HMGCL: variants seen among roughly 807,000 people sequenced by gnomAD.
HMGCL encodes the protein 3-hydroxy-3-methylglutaryl-CoA lyase.
A neutral mutation model predicts 37.3 loss-of-function variants in HMGCL; 26 were observed. That is an observed-to-expected ratio of 0.70 (90% CI 0.51 to 0.97). HMGCL has a LOEUF of 0.97. HMGCL is among the 50% of genes least tolerant of loss of function. The pLI, the probability that HMGCL is intolerant of heterozygous loss-of-function variation, is 0.00. For missense variants in HMGCL, 379 were observed against 398.1 expected (o/e 0.95, Z 0.41); for synonymous variants, 151 against 148.0 (o/e 1.02, Z -0.15).
In HMGCL at chr1:23,808,263, C is replaced by G. The variant is rs769406434; in HGVS notation, c.622G>C (p.Val208Leu). ...TCTTTCATGATCCCTGGGGTGCCCA[C>G]ACCAATGGTGTCCCCCAGGGAGATC... ...YEISLGDTIGVGTPGIMKDML... is the reference protein window; with the variant it reads ...YEISLGDTIGLGTPGIMKDML... Residue 208 changes from valine to leucine, a missense_variant, in exon 7 of 9, where the codon GTG becomes CTG. Transcript: ENST00000374490. 1.2e-6 allele frequency: 2 copies of G among 1,614,044 alleles called. No individual in the cohort carries two copies. Among genetic ancestry groups the G allele is most frequent in the Non-Finnish European group, 1.7e-6 (2 of 1,179,950 alleles).
chr1:23,813,590 G>A (rs1638561824), intron 5 of HMGCL, among the ~76,000 whole-genome samples: 1 of 152,076 alleles, frequency 6.6e-6, no homozygotes, highest in Non-Finnish European at 1.5e-5. Context: ...TTGCACAGCA[G>A]TGTGACCTTA....
chr1:23,808,308 A>G lies in HMGCL; in HGVS notation c.577T>C (p.Tyr193His). 6.2e-7 allele frequency: 1 copy of G among 1,614,030 alleles called. No individual in the cohort carries two copies. Among genetic ancestry groups the G allele is most frequent in the African/African-American group, 1.3e-5 (1 of 75,032 alleles). The change falls in exon 7 of 9, where the codon TAC becomes CAC. Residue 193 changes from tyrosine (Y) to histidine (H), a missense_variant. Tyr to His is a moderately conservative substitution (Grantham distance 83). Transcript: ENST00000374490. ...GAGATCTCGTAGCAGCCCATTGAGT[A>G]GAACTTCTTGGTGACCTAAGGAAGC... Reference protein sequence around the residue: ...AKVAEVTKKFYSMGCYEISLG... With the variant: ...AKVAEVTKKFHSMGCYEISLG...
Position 23,811,693 on chromosome 1 carries a change from G to C in HMGCL, c.498-894C>G, listed in dbSNP as rs1029374246. 7.2e-5 allele frequency among the ~76,000 whole-genome samples: 11 copies of C among 152,166 alleles called. No homozygotes were observed. In the East Asian group the frequency reaches 2.1e-3, roughly 29 times the overall value. On this transcript the variant is annotated intron_variant, in intron 5 of 8. Coordinates refer to ENST00000374490, the MANE Select transcript of HMGCL (RefSeq NM_000191.3). The stretch of plus-strand genomic sequence containing the variant: ...ACAGCTGAGGCAGACAGAGCAAGGG[G>C]AAAGGAAGTATGAGATGAGGAGGTC...
rs762081037 is a variant in HMGCL at position 23,810,711 on chromosome 1, C to A, written c.561+25G>T. ...ACAAGGTGGCCAACCCTCACCAAAC[C>A]CCCCGCCCTGACACATGCACACACC... On this transcript the variant is annotated intron_variant, in intron 6 of 8. Coordinates refer to ENST00000374490, the MANE Select transcript of HMGCL (RefSeq NM_000191.3). 4 of 1,611,648 alleles carry A rather than the reference C, an allele frequency of 2.5e-6. No homozygotes were observed. In the African/African-American group the frequency reaches 4.0e-5, roughly 16 times the overall value.
At chr1:23,807,059 G>C (rs1236498044) in intron 7 of HMGCL, 2 of 518,920 alleles carry the variant, frequency 3.9e-6, no homozygotes, top group Non-Finnish European at 7.7e-6. Flanking sequence ...TTTTCAAAAA[G>C]GGGATTCTGA....
intron 7 of HMGCL, among the ~76,000 whole-genome samples, chr1:23,804,979 A>C (rs942138854): frequency 1.4e-5 from 2 of 146,182 alleles, no homozygotes; most frequent in African/African-American, 5.0e-5. Flanking sequence ...GTCACCTCCC[A>C]CTATCCCAAA....
intron 2 of HMGCL, 101 bp downstream of exon 2, chr1:23,820,409 A>AGAT (rs1638696031): frequency 1.2e-6 from 1 of 836,352 alleles, no homozygotes; most frequent in Non-Finnish European, 2.1e-6. Context: ...CAGAGGAATC[A>AGAT]CATCTTGCAT....
intron 4 of HMGCL, among the ~76,000 whole-genome samples, chr1:23,814,811 T>G (rs774962302): frequency 1.8e-4 from 27 of 152,172 alleles, no homozygotes; most frequent in Non-Finnish European, 3.4e-4. Flanking sequence ...CACCTCAGAA[T>G]GTGACCTTAT....
Position 23,820,520 on chromosome 1 carries a change from T to C in HMGCL, c.134A>G (p.Gln45Arg). The C allele has an allele frequency of 6.2e-7, 1 of 1,613,428 alleles. No homozygotes were observed. The highest frequency in any genetic ancestry group is 1.1e-5 in the South Asian group (1 of 91,068). Residue 45 changes from glutamine to arginine, a missense_variant, in exon 2 of 9, where the codon CAA becomes CGA. Coordinates refer to ENST00000374490, the MANE Select transcript of HMGCL (RefSeq NM_000191.3). ...CATTTCCAACTTTACCTTTTCATTT[T>C]GTAGTCCATCTCGGGGACCAACTTC... is the stretch of plus-strand genomic sequence containing the variant. ...IVEVGPRDGL[Q>R]NEKNIVSTPV... is the part of the protein sequence containing the mutation.
chr1:23,802,551 T>C lies in HMGCL; in HGVS notation c.890A>G (p.Gln297Arg), dbSNP rs765390403. 4.3e-6 allele frequency: 7 copies of C among 1,612,842 alleles called. No homozygotes were observed. The South Asian group carries it at 6.6e-5, about 15-fold the overall frequency. The change falls in exon 9 of 9, where the codon CAG becomes CGG. Residue 297 changes from glutamine to arginine, a missense_variant. Physicochemically the swap from Gln to Arg is conservative, Grantham distance 43. Transcript: ENST00000374490. ...AAAGTTTCCAGCTTCCAGAAGCTTC[T>C]GGAGATTCACACCCTTTGAGAAACA... Reference protein sequence around the residue: ...GLGIHTGVNLQKLLEAGNFIC... With the variant: ...GLGIHTGVNLRKLLEAGNFIC...
intron 5 of HMGCL, among the ~76,000 whole-genome samples, chr1:23,811,690 G>T (rs994848379): frequency 6.6e-6 from 1 of 152,164 alleles, no homozygotes; most frequent in African/African-American, 2.4e-5. Context: ...GACAGAGCAA[G>T]GGGAAAGGAA....
chr1:23,809,063 G>A (rs914889169), intron 6 of HMGCL, among the ~76,000 whole-genome samples: 33 of 147,402 alleles, frequency 2.2e-4, no homozygotes, highest in African/African-American at 6.5e-4. Flanking sequence ...CTACCACCAC[G>A]CCCCACTATT....
chr1:23,804,321 C>A, intron 8 of HMGCL, 79 bp downstream of exon 8: 1 of 1,565,340 alleles, frequency 6.4e-7, no homozygotes, highest in Non-Finnish European at 8.8e-7. Context: ...ACCCCAAATA[C>A]CCCCATCCAC....
rs115611440 is a variant in HMGCL at position 23,825,368 on chromosome 1, C to G, written c.48G>C (p.Ala16=). The change falls in exon 1 of 9, where the codon GCG becomes GCC. Residue 16 remains alanine (A), a synonymous_variant. Transcript: ENST00000374490. ...TCGGGGCACTTACAGCCCGGAGGGA[C>G]GCCAAGCCCACCAGTCGCCGCGGAA... ...KALPRRLVGL[A]SLRAVSTSSM... is the part of the protein sequence containing the mutation. The G allele has an allele frequency of 1.9e-6, 3 of 1,559,896 alleles. No individual in the cohort carries two copies. The highest frequency in any genetic ancestry group is 4.8e-5 in the East Asian group (2 of 41,366).
chr1:23,814,446 C>T (rs953040259), intron 4 of HMGCL, 108 bp from the exon 5 acceptor site: 19 of 1,242,140 alleles, frequency 1.5e-5, no homozygotes, highest in Non-Finnish European at 2.1e-5. Context: ...TCTCGGCTCA[C>T]TGCAACCTCC....
intron 2 of HMGCL, 35 bp downstream of exon 2, chr1:23,820,475 A>G (rs771956311): frequency 1.3e-6 from 2 of 1,499,758 alleles, no homozygotes; most frequent in African/African-American, 1.4e-5. Context: ...CAGATGCTTG[A>G]AAAAACTGTT....
intron 6 of HMGCL, chr1:23,810,261 A>C (rs769833152): frequency 5.4e-6 from 1 of 186,656 alleles, no homozygotes; most frequent in Non-Finnish European, 1.2e-5. Flanking sequence ...AGTTTTCTCA[A>C]CTGTAAAAGG....
intron 6 of HMGCL, chr1:23,810,472 C>T (rs1638498379): frequency 2.2e-6 from 1 of 456,676 alleles, no homozygotes; most frequent in Non-Finnish European, 4.1e-6. Flanking sequence ...AGAGAATCAC[C>T]TCAACGACCA....
rs749440251 is a variant in HMGCL at position 23,814,251 on chromosome 1, T to C, written c.436A>G (p.Ser146Gly). Residue 146 changes from serine to glycine, a missense_variant, in exon 5 of 9, where the codon AGT becomes GGT. Transcript: ENST00000374490. ...KKNINCSIEE[S>G]FQRFDAILKA... ...AGGATTGCGTCAAACCTCTGAAAAC[T>C]CTCCTCTATGGAACAATTGATGTTC... is the stretch of plus-strand genomic sequence containing the variant. 2 of 1,613,932 alleles carry C rather than the reference T, an allele frequency of 1.2e-6. No homozygotes were observed. The highest frequency in any genetic ancestry group is 1.7e-6 in the Non-Finnish European group (2 of 1,180,038).
Sources: gnomAD v4.1 joint callset for allele counts (sites outside exome capture counted in the v4.1 genomes callset) on GRCh38, gnomAD v4.1.1 for gene constraint, MANE v1.5 for transcripts, NCBI Gene and HGNC (gene_info 2026-07-23, HGNC 2026-07-21) for gene names.